ZNF713: variants seen among roughly 807,000 people sequenced by gnomAD.
ZNF713 encodes zinc finger protein 713.
A neutral mutation model predicts 28.7 loss-of-function variants in ZNF713; 21 were observed. That is an observed-to-expected ratio of 0.73 (90% CI 0.52 to 1.05). The LOEUF is 1.05. ZNF713 is among the 50% of genes least tolerant of loss of function. ZNF713 has a pLI of 0.00. For synonymous variants in ZNF713, 167 were observed against 178.0 expected, an observed-to-expected ratio of 0.94 and a Z score of 0.49; for missense variants, 458 against 532.4, an observed-to-expected ratio of 0.86 and a Z score of 1.37.
chr7:55,891,541 C>A (rs112632994), intron 1 of ZNF713, among the ~76,000 whole-genome samples: 18 of 131,126 alleles, frequency 1.4e-4, no homozygotes, highest in African/African-American at 5.3e-4. Context: ...ACAACAACAA[C>A]AAAAAGCCAC....
chr7:55,891,996 G>A (rs1269966806), intron 1 of ZNF713, among the ~76,000 whole-genome samples: 1 of 152,096 alleles, frequency 6.6e-6, no homozygotes, highest in Non-Finnish European at 1.5e-5. Flanking sequence ...AAAATCACAA[G>A]TGGCTGGGTG....
intron 1 of ZNF713, among the ~76,000 whole-genome samples, chr7:55,904,278 G>A (rs7778138): frequency 0.66 from 72,553 of 109,230 alleles, 31,861 homozygotes; most frequent in African/African-American, 0.91. Context: ...CCTCGGCAAC[G>A]TGGTGAAACC....
At chr7:55,912,589 T>G (rs1461988845) in intron 3 of ZNF713, 46 bp from the exon 4 acceptor site, 31 of 1,399,440 alleles carry the variant, frequency 2.2e-5, no homozygotes, top group African/African-American at 2.8e-5. Context: ...GGATTTAAAT[T>G]TAACCTTCGT....
intron 4 of ZNF713, among the ~76,000 whole-genome samples, chr7:55,913,241 G>T (rs1402769273): frequency 1.8e-5 from 2 of 111,392 alleles, no homozygotes; most frequent in Non-Finnish European, 3.3e-5. Context: ...TCGCTCTGTT[G>T]CCCAGGCTGG....
chr7:55,890,502 T>G (rs1030486754), intron 1 of ZNF713, among the ~76,000 whole-genome samples: 9 of 150,720 alleles, frequency 6.0e-5, no homozygotes, highest in African/African-American at 2.2e-4. Flanking sequence ...CCAAATAAAG[T>G]CACATTGCGG....
At chr7:55,923,825 A>C in intron 6 of ZNF713, 126 bp downstream of exon 6, 1 of 610,524 alleles carries the variant, frequency 1.6e-6, no homozygotes, top group Non-Finnish European at 2.8e-6. Context: ...GAAAAAAATC[A>C]GTTCATATTT....
intron 4 of ZNF713, among the ~76,000 whole-genome samples, chr7:55,913,941 T>C (rs1313793063): frequency 6.6e-6 from 1 of 152,000 alleles, no homozygotes; most frequent in African/African-American, 2.4e-5. Flanking sequence ...TGAAACCCTG[T>C]CTCTACTAAA....
At chr7:55,890,479 TA>T (rs1785362294) in intron 1 of ZNF713, among the ~76,000 whole-genome samples, 1 of 151,186 alleles carries the variant, frequency 6.6e-6, no homozygotes, top group Non-Finnish European at 1.5e-5. Flanking sequence ...TGACAACCTT[TA>T]AGGCCCTATT....
rs1399956890 is a variant in ZNF713 at position 55,939,529 on chromosome 7, C to T, written c.855C>T (p.Pro285=). The T allele has an allele frequency of 2.5e-6, 4 of 1,613,766 alleles. No individual in the cohort carries two copies. Among genetic ancestry groups the T allele is most frequent in the African/African-American group, 1.3e-5 (1 of 74,894 alleles). Reference sequence around the variant, plus strand: ...AGATGTTGCTTACAGGAGAGAAGCCCTATAAGTGTGATGAATGTGGAAAAA... The same window carrying T: ...AGATGTTGCTTACAGGAGAGAAGCCTTATAAGTGTGATGAATGTGGAAAAA... The part of the protein sequence containing the change: ...QPQMLLTGEK[P]YKCDECGKRF... The change falls in exon 7 of 7, where the codon CCC becomes CCT. Residue 285 remains proline, a synonymous_variant. Transcript: ENST00000429591.
intron 1 of ZNF713, among the ~76,000 whole-genome samples, chr7:55,889,388 A>G (rs908881344): frequency 7.2e-5 from 11 of 152,252 alleles, no homozygotes; most frequent in Non-Finnish European, 1.5e-5. Flanking sequence ...GGCGTGAGCC[A>G]CTGCGCCCGG....
chr7:55,916,040 C>A (rs1347570582), intron 4 of ZNF713, among the ~76,000 whole-genome samples: 1 of 152,130 alleles, frequency 6.6e-6, no homozygotes, highest in African/African-American at 2.4e-5. Flanking sequence ...CCTTTGGAAA[C>A]AGCAGAGATT....
At chr7:55,938,280 A>G (rs983417375) in intron 6 of ZNF713, among the ~76,000 whole-genome samples, 1 of 151,330 alleles carries the variant, frequency 6.6e-6, no homozygotes, top group Non-Finnish European at 1.5e-5. Context: ...GAGGAAGAAT[A>G]CCTCCACTAA....
At chr7:55,922,639 A>G (rs1206409196) in intron 4 of ZNF713, among the ~76,000 whole-genome samples, 1 of 152,152 alleles carries the variant, frequency 6.6e-6, no homozygotes, top group Non-Finnish European at 1.5e-5. Context: ...ACCCTCCACT[A>G]TCAAAAAGAT....
At chr7:55,896,773 A>G (rs1785481198) in intron 1 of ZNF713, among the ~76,000 whole-genome samples, 1 of 152,096 alleles carries the variant, frequency 6.6e-6, no homozygotes, top group Admixed American at 6.6e-5. Context: ...CTTTGTTTCT[A>G]AATCCTGTTC....
intron 6 of ZNF713, among the ~76,000 whole-genome samples, chr7:55,931,046 G>T (rs1178391188): frequency 6.6e-6 from 1 of 152,106 alleles, no homozygotes; most frequent in Non-Finnish European, 1.5e-5. Flanking sequence ...CCAGCACTTG[G>T]GAGACGAGGT....
intron 2 of ZNF713, among the ~76,000 whole-genome samples, chr7:55,906,614 A>G (rs1312043407): frequency 6.6e-6 from 1 of 152,062 alleles, no homozygotes; most frequent in Non-Finnish European, 1.5e-5. Context: ...AGGTTAGGGT[A>G]AGGGATTGGC....
intron 6 of ZNF713, among the ~76,000 whole-genome samples, chr7:55,925,207 C>T (rs905616064): frequency 6.6e-6 from 1 of 152,190 alleles, no homozygotes. Flanking sequence ...GCTCTTTGCT[C>T]TGGTACCTGG....
At chr7:55,913,979 C>A (rs1375778278) in intron 4 of ZNF713, among the ~76,000 whole-genome samples, 2 of 151,888 alleles carry the variant, frequency 1.3e-5, no homozygotes, top group East Asian at 3.9e-4. Flanking sequence ...GGCGTGGTGG[C>A]AGGTTCCTGT....
chr7:55,925,046 C>T lies in ZNF713; in HGVS notation c.307+1347C>T, dbSNP rs140550027. Among the ~76,000 whole-genome samples the T allele has an allele frequency of 9.3e-4, 141 of 151,844 alleles. 2 individuals carry two copies. Among genetic ancestry groups the T allele is most frequent in the African/African-American group, 3.2e-3 (133 of 41,404 alleles). ...AAAAAAATCCCAACCACCTTAGTTT[C>T]CTATTTCTGGCATACCACCTACGAT... On this transcript the variant is annotated intron_variant, in intron 6 of 6. Coordinates refer to ENST00000429591, the MANE Select transcript of ZNF713 (RefSeq NM_182633.3).
Sources: allele counts gnomAD v4.1 joint callset (sites outside exome capture counted in the v4.1 genomes callset), GRCh38; gene constraint gnomAD v4.1.1; transcripts MANE v1.5; gene names NCBI Gene and HGNC (gene_info 2026-07-23, HGNC 2026-07-21).